SLC27A1: variants seen among roughly 807,000 people sequenced by gnomAD.
SLC27A1 encodes solute carrier family 27 member 1.
SLC27A1 carries 61 observed loss-of-function variants against 62.2 expected under a neutral mutation model. That is an observed-to-expected ratio of 0.98 (90% CI 0.80 to 1.21). The LOEUF is 1.21. SLC27A1 is among the 50% of genes most tolerant of loss of function. The pLI is 0.00. For missense variants in SLC27A1, 903 were observed against 932.1 expected, an observed-to-expected ratio of 0.97 and a Z score of 0.41; for synonymous variants, 435 against 408.6, an observed-to-expected ratio of 1.06 and a Z score of -0.78.
In SLC27A1 at chr19:17,505,109, G is replaced by A. The variant is rs2075464270; in HGVS notation, c.*497G>A. 1 of 351,966 alleles carries A rather than the reference G, an allele frequency of 2.8e-6. No homozygotes were observed. The highest frequency in any genetic ancestry group is 2.2e-5 in the South Asian group (1 of 45,626). The allele number at this position is 351,966 out of a possible 1,614,324, so 21.8% of individuals were successfully genotyped here. A position where few individuals can be genotyped will look rare whatever the true frequency, so the allele number is the denominator to read the frequency against. ...GGGTTTCACCATGTTGGTCAGGTTG[G>A]TCTTGAACTCCTGACCTCAGGTGAT... On this transcript the variant is annotated 3_prime_UTR_variant, in exon 12 of 12. Transcript: ENST00000252595.
Position 17,477,176 on chromosome 19 carries a change from A to G in SLC27A1, c.167+6469A>G, listed in dbSNP as rs562523161. ...AGTGCTGGGATTACAAGTGTGAGCT[A>G]CTATGTCTAGCTGAGAATGATTATC... On this transcript the variant is annotated intron_variant, in intron 1 of 11. Transcript: ENST00000252595. 5.0e-4 allele frequency among the ~76,000 whole-genome samples: 74 copies of G among 147,520 alleles called. 1 individual carries two copies. Among genetic ancestry groups the G allele is most frequent in the African/African-American group, 1.9e-3 (74 of 39,848 alleles).
At chr19:17,488,628 T>TA in intron 4 of SLC27A1, 1 of 593,586 alleles carries the variant, frequency 1.7e-6, no homozygotes, top group Non-Finnish European at 3.0e-6. Flanking sequence ...CCTGGCTGCA[T>TA]TACCATCAGC....
chr19:17,504,895 T>A lies in SLC27A1; in HGVS notation c.*283T>A, dbSNP rs763253760. Reference sequence around the variant, plus strand: ...CTTCCCTCTTTTTCTTTTCTTTCTTTCTTTCTTTTTTTTTTAAGATAGAGT... The same window carrying A: ...CTTCCCTCTTTTTCTTTTCTTTCTTACTTTCTTTTTTTTTTAAGATAGAGT... On this transcript the variant is annotated 3_prime_UTR_variant, in exon 12 of 12. Coordinates refer to ENST00000252595, the MANE Select transcript of SLC27A1 (RefSeq NM_198580.3). 18 of 606,036 alleles carry A rather than the reference T, an allele frequency of 3.0e-5. No individual in the cohort carries two copies. Among genetic ancestry groups the A allele is most frequent in the Middle Eastern group, 2.6e-4 (1 of 3,896 alleles). The allele number at this position is 606,036 out of a possible 1,614,324, so 37.5% of individuals were successfully genotyped here. A position where few individuals can be genotyped will look rare whatever the true frequency, so the allele number is the denominator to read the frequency against.
intron 1 of SLC27A1, among the ~76,000 whole-genome samples, chr19:17,473,121 C>A (rs183257837): frequency 6.6e-6 from 1 of 152,116 alleles, no homozygotes; most frequent in East Asian, 1.9e-4. Context: ...TTTGTAGAGA[C>A]GTGGTTCTGC....
intron 1 of SLC27A1, among the ~76,000 whole-genome samples, chr19:17,482,889 G>A (rs1422638419): frequency 6.6e-6 from 1 of 152,130 alleles, no homozygotes; most frequent in East Asian, 1.9e-4. Flanking sequence ...TACTCCAGCA[G>A]ATGCATAGAT....
rs1319769568 is a variant in SLC27A1 at position 17,480,536 on chromosome 19, T to TTTTTC, written c.168-6022_168-6018dup. 3.5e-4 allele frequency among the ~76,000 whole-genome samples: 33 copies of TTTTTC among 93,770 alleles called. 1 individual carries two copies. Among genetic ancestry groups the TTTTTC allele is most frequent in the African/African-American group, 6.9e-4 (18 of 26,126 alleles). The allele number at this position is 93,770 out of a possible 152,430, so 61.5% of individuals were successfully genotyped here. ...TACATGCCACAATGGCCAGTTAATTTTTTTCTTTTTTTTTTTTTTTTTGCA... is the reference window on the plus strand; with the variant it reads ...TACATGCCACAATGGCCAGTTAATTTTTTTCTTTTCTTTTTTTTTTTTTTTTTGCA... On this transcript the variant is annotated intron_variant, in intron 1 of 11. Coordinates refer to ENST00000252595, the MANE Select transcript of SLC27A1 (RefSeq NM_198580.3).
intron 6 of SLC27A1, among the ~76,000 whole-genome samples, chr19:17,491,999 A>C (rs4808655): frequency 0.79 from 119,936 of 152,068 alleles, 48,442 homozygotes; most frequent in Non-Finnish European, 0.89. Flanking sequence ...AGTGTCCAGA[A>C]CAGGTTTGAC....
rs769864782 is a variant in SLC27A1 at position 17,500,539 on chromosome 19, C to T, written c.1378C>T (p.Leu460=). 1 of 1,613,570 alleles carries T rather than the reference C, an allele frequency of 6.2e-7. No individual in the cohort carries two copies. The highest frequency in any genetic ancestry group is 1.7e-5 in the Admixed American group (1 of 59,922). Reference sequence around the variant, plus strand: ...GGGTCAGATCAACCAACAGGACCCGCTGCGCCGCTTCGATGGCTATGTCAG... The same window carrying T: ...GGGTCAGATCAACCAACAGGACCCGTTGCGCCGCTTCGATGGCTATGTCAG... ...LVGQINQQDP[L]RRFDGYVSES... is the part of the protein sequence containing the mutation. The change falls in exon 9 of 12, where the codon CTG becomes TTG. Residue 460 remains leucine, a synonymous_variant. Coordinates refer to ENST00000252595, the MANE Select transcript of SLC27A1 (RefSeq NM_198580.3).
At position 17,489,136 on chromosome 19, in the gene SLC27A1, C is replaced by T; in HGVS notation, c.996+19C>T. On this transcript the variant is annotated intron_variant, in intron 6 of 11. Transcript: ENST00000252595. ...CTGCACGGTCAGGCCCTGCCCTGTT[C>T]TGTCTAGACCCCGCCCCTCCCAGCC... 1.9e-6 allele frequency: 3 copies of T among 1,601,192 alleles called. No homozygotes were observed. The South Asian group carries it at 3.3e-5, about 18-fold the overall frequency.
rs1444140368 is a variant in SLC27A1 at position 17,500,860 on chromosome 19, T to C, written c.1620T>C (p.Tyr540=). ...TGGGCCAGACAGACGTGGCCGTCTA[T>C]GGGGTGGCTGTTCCAGGCAAGCTGG... is the stretch of plus-strand genomic sequence containing the variant. ...RLLGQTDVAV[Y]GVAVPGVEGK... The change falls in exon 10 of 12, where the codon TAT becomes TAC. Residue 540 remains tyrosine, a synonymous_variant. Transcript: ENST00000252595. 18 of 1,608,126 alleles carry C rather than the reference T, an allele frequency of 1.1e-5. No individual in the cohort carries two copies. Among genetic ancestry groups the C allele is most frequent in the Non-Finnish European group, 1.4e-5 (17 of 1,178,106 alleles).
intron 7 of SLC27A1, 124 bp from the exon 8 acceptor site, chr19:17,500,154 G>A: frequency 6.8e-7 from 1 of 1,466,096 alleles, no homozygotes; most frequent in Non-Finnish European, 9.2e-7. Context: ...ATCAGCCAAG[G>A]TCACAGAGCT....
intron 4 of SLC27A1, among the ~76,000 whole-genome samples, 186 bp downstream of exon 4, chr19:17,487,715 A>G (rs541912648): frequency 5.3e-5 from 8 of 152,078 alleles, no homozygotes; most frequent in African/African-American, 1.9e-4. Flanking sequence ...GTGTAAACTC[A>G]TTGCAACCCT....
chr19:17,470,407 C>G (rs1323508288), upstream of SLC27A1: 2 of 1,116,918 alleles, frequency 1.8e-6, no homozygotes, highest in Admixed American at 4.1e-5. Flanking sequence ...AGCGCGTTCC[C>G]GGACTCGCGG....
intron 4 of SLC27A1, among the ~76,000 whole-genome samples, chr19:17,488,108 C>G (rs1396254394): frequency 6.6e-6 from 1 of 152,202 alleles, no homozygotes; most frequent in African/African-American, 2.4e-5. Context: ...CCTGTAACCC[C>G]AACACTTTGG....
chr19:17,490,297 G>A (rs1322041020), intron 6 of SLC27A1, among the ~76,000 whole-genome samples: 3 of 151,910 alleles, frequency 2.0e-5, no homozygotes, highest in Non-Finnish European at 2.9e-5. Flanking sequence ...GACTACAGGT[G>A]CGCACCACCA....
intron 1 of SLC27A1, among the ~76,000 whole-genome samples, chr19:17,478,821 C>G (rs59332356): frequency 0.53 from 80,334 of 151,862 alleles, 21,942 homozygotes; most frequent in African/African-American, 0.63. Flanking sequence ...TGCAGTGAGC[C>G]GAGATTGTGC....
rs539948500 is a variant in SLC27A1 at position 17,476,457 on chromosome 19, G to A, written c.167+5750G>A. Among the ~76,000 whole-genome samples, 593 of 150,372 alleles carry A rather than the reference G, an allele frequency of 3.9e-3. 1 individual carries two copies. Among genetic ancestry groups the A allele is most frequent in the African/African-American group, 0.014 (566 of 40,872 alleles). On this transcript the variant is annotated intron_variant, in intron 1 of 11. Transcript: ENST00000252595. ...GGATGCTGAGGCAGGAGAATCGTTT[G>A]AACCCGGGAGGCAGAGGTTGCAGTG... is the stretch of plus-strand genomic sequence containing the variant.
intron 1 of SLC27A1, among the ~76,000 whole-genome samples, chr19:17,480,054 G>A (rs1279502871): frequency 9.2e-5 from 14 of 151,928 alleles, no homozygotes. Flanking sequence ...TTGAGACGGA[G>A]TCTCACTCTG....
intron 1 of SLC27A1, among the ~76,000 whole-genome samples, chr19:17,482,945 C>T (rs888461777): frequency 2.0e-5 from 3 of 150,644 alleles, no homozygotes; most frequent in Non-Finnish European, 4.4e-5. Flanking sequence ...CACAGATCTC[C>T]TGCGTGCTCA....
Sources: gnomAD v4.1 joint callset for allele counts (sites outside exome capture counted in the v4.1 genomes callset) on GRCh38, gnomAD v4.1.1 for gene constraint, MANE v1.5 for transcripts, NCBI Gene and HGNC (gene_info 2026-07-23, HGNC 2026-07-21) for gene names.